Variants in ZNF385D observed in about 807,000 individuals in gnomAD.
ZNF385D encodes zinc finger protein 659.
Under a neutral mutation model 35.8 loss-of-function variants are expected in ZNF385D, and 15 were observed. That is an observed-to-expected ratio of 0.42 (90% CI 0.28 to 0.64). The LOEUF is 0.64. Ranked by LOEUF, ZNF385D falls within the 30% of genes least tolerant of loss-of-function variation. The pLI, the probability that ZNF385D is intolerant of heterozygous loss-of-function variation, is 0.23. For missense variants in ZNF385D, 474 were observed against 494.6 expected (o/e 0.96, Z 0.39); for synonymous variants, 212 against 186.8 (o/e 1.13, Z -1.10).
Position 22,006,736 on chromosome 3 carries a change from A to G in ZNF385D, c.325+162081T>C, listed in dbSNP as rs567136074. Among the ~76,000 whole-genome samples the G allele has an allele frequency of 5.9e-5, 9 of 152,166 alleles. No homozygotes were observed. The East Asian group carries it at 1.7e-3, about 29-fold the overall frequency. ...AAGCTTTTTTTTGTGAAAACAATAAAAATTGGATAAAATATAATAAACATC... is the reference window on the plus strand; with the variant it reads ...AAGCTTTTTTTTGTGAAAACAATAAGAATTGGATAAAATATAATAAACATC... On this transcript the variant is annotated intron_variant, in intron 3 of 5. Transcript: ENST00000494108.
intron 3 of ZNF385D, among the ~76,000 whole-genome samples, chr3:22,108,527 G>A (rs1010626416): frequency 3.3e-5 from 5 of 152,114 alleles, no homozygotes; most frequent in African/African-American, 7.2e-5. Context: ...ACTGGCAAAT[G>A]AGTGCAATGC....
chr3:22,326,130 T>C (rs1412515803), intron 2 of ZNF385D, among the ~76,000 whole-genome samples: 1 of 152,202 alleles, frequency 6.6e-6, no homozygotes. Flanking sequence ...ATTTTGCCTC[T>C]GAATTTGCAC....
At chr3:22,169,918 C>T (rs1380042136) in intron 2 of ZNF385D, among the ~76,000 whole-genome samples, 1 of 152,174 alleles carries the variant, frequency 6.6e-6, no homozygotes, top group South Asian at 2.1e-4. Flanking sequence ...CTTTAGCCTA[C>T]TAAGTAGCTG....
chr3:21,931,971 T>C (rs1248335233), intron 3 of ZNF385D, among the ~76,000 whole-genome samples: 2 of 151,438 alleles, frequency 1.3e-5, no homozygotes, highest in African/African-American at 2.4e-5. Context: ...ATCGAGACCA[T>C]CCTGGCTAAC....
At chr3:21,717,153 AT>A (rs2068355997) in intron 1 of ZNF385D, among the ~76,000 whole-genome samples, 1 of 152,148 alleles carries the variant, frequency 6.6e-6, no homozygotes, top group Admixed American at 6.5e-5. Context: ...CACATAGCAA[AT>A]TCTCACTGAA....
intron 1 of ZNF385D, among the ~76,000 whole-genome samples, chr3:21,685,871 G>C (rs909950665): frequency 6.6e-5 from 10 of 152,196 alleles, no homozygotes; most frequent in African/African-American, 2.4e-4. Flanking sequence ...AGCCACGCAT[G>C]AAAGCAAGAC....
chr3:22,298,490 TAATA>T (rs1472534434), intron 2 of ZNF385D, among the ~76,000 whole-genome samples: 1 of 145,976 alleles, frequency 6.9e-6, no homozygotes, highest in Non-Finnish European at 1.5e-5. Context: ...CATTTATATA[TAATA>T]TATAAATATA....
chr3:21,677,072 T>A (rs1291052127), intron 1 of ZNF385D, among the ~76,000 whole-genome samples: 3 of 152,020 alleles, frequency 2.0e-5, no homozygotes, highest in Non-Finnish European at 4.4e-5. Context: ...TATATTATGA[T>A]AAAAGGAAAG....
chr3:22,226,472 A>G (rs1194390881), intron 2 of ZNF385D, among the ~76,000 whole-genome samples: 4 of 152,182 alleles, frequency 2.6e-5, no homozygotes, highest in Admixed American at 6.5e-5. Flanking sequence ...GTTGTCTTCC[A>G]AAGTTCAGCT....
chr3:21,753,691 T>C (rs1314159903), upstream of ZNF385D, among the ~76,000 whole-genome samples: 2 of 152,248 alleles, frequency 1.3e-5, no homozygotes, highest in South Asian at 2.1e-4. Context: ...TTTGTTTTAA[T>C]TGTATACTTT....
At chr3:21,659,258 GC>G (rs1200640088) in intron 2 of ZNF385D, among the ~76,000 whole-genome samples, 2 of 152,072 alleles carry the variant, frequency 1.3e-5, no homozygotes, top group African/African-American at 4.8e-5. Flanking sequence ...TTTAACAGGT[GC>G]TTTCAAATGC....
At chr3:22,213,816 G>A (rs1464325205) in intron 2 of ZNF385D, among the ~76,000 whole-genome samples, 2 of 152,016 alleles carry the variant, frequency 1.3e-5, no homozygotes, top group Non-Finnish European at 2.9e-5. Context: ...AAAATCATAA[G>A]AGACTAATTA....
intron 2 of ZNF385D, among the ~76,000 whole-genome samples, chr3:21,569,016 T>C (rs568353518): frequency 5.3e-5 from 8 of 152,106 alleles, no homozygotes; most frequent in Non-Finnish European, 1.0e-4. Flanking sequence ...TGTGGTATGG[T>C]GCTGAAAAAA....
At chr3:21,908,602 A>G (rs1428293964) in intron 3 of ZNF385D, among the ~76,000 whole-genome samples, 3 of 152,128 alleles carry the variant, frequency 2.0e-5, no homozygotes, top group African/African-American at 7.2e-5. Flanking sequence ...AACAGTTAGG[A>G]AGGTTTTCAC....
chr3:22,189,865 T>C (rs1695899295), intron 2 of ZNF385D, among the ~76,000 whole-genome samples: 1 of 152,128 alleles, frequency 6.6e-6, no homozygotes, highest in African/African-American at 2.4e-5. Flanking sequence ...AAGTGTCCTG[T>C]TGTTCATTAA....
chr3:22,360,902 A>T (rs1696380880), intron 2 of ZNF385D, among the ~76,000 whole-genome samples: 1 of 152,044 alleles, frequency 6.6e-6, no homozygotes, highest in African/African-American at 2.4e-5. Flanking sequence ...TTCAGGTTAT[A>T]CAAATTGAGA....
intron 1 of ZNF385D, among the ~76,000 whole-genome samples, chr3:21,699,774 A>G (rs1003332361): frequency 1.3e-5 from 2 of 151,498 alleles, no homozygotes; most frequent in Admixed American, 6.6e-5. Context: ...AAGAAAATTT[A>G]AAATTACATA....
At chr3:21,970,006 G>C (rs561763573) in intron 3 of ZNF385D, among the ~76,000 whole-genome samples, 1 of 152,108 alleles carries the variant, frequency 6.6e-6, no homozygotes, top group African/African-American at 2.4e-5. Flanking sequence ...ATTGAGCTTG[G>C]GTGTCCCCTA....
intron 2 of ZNF385D, among the ~76,000 whole-genome samples, chr3:22,327,668 T>G (rs1049725499): frequency 1.3e-5 from 2 of 152,188 alleles, no homozygotes; most frequent in African/African-American, 4.8e-5. Flanking sequence ...TTTTCTTATT[T>G]TGCACTCCCA....
Sources: allele counts gnomAD v4.1 joint callset (sites outside exome capture counted in the v4.1 genomes callset), GRCh38; gene constraint gnomAD v4.1.1; transcripts MANE v1.5; gene names NCBI Gene and HGNC (gene_info 2026-07-23, HGNC 2026-07-21).